Variants in DYNLT2 observed in about 807,000 individuals in gnomAD.
DYNLT2 encodes dynein light chain Tctex-type protein 2.
In DYNLT2, 24 loss-of-function variants were observed where a neutral mutation model predicts 24.3. The observed-to-expected ratio is 0.99, with a 90% CI of 0.71 to 1.39. The LOEUF is 1.39. Among genes scored for constraint, DYNLT2 ranks in the 40% most tolerant of loss-of-function variants. The probability of loss-of-function intolerance (pLI) is 0.00; values close to 1 mark genes in which losing one functional copy is unlikely to be tolerated. For synonymous variants in DYNLT2, 85 were observed against 85.4 expected, an observed-to-expected ratio of 1.00 and a Z score of 0.03; for missense variants, 246 against 234.5, an observed-to-expected ratio of 1.05 and a Z score of -0.32.
chr6:169,748,531 C>G (rs998357471), intron 1 of DYNLT2, among the ~76,000 whole-genome samples: 1 of 152,208 alleles, frequency 6.6e-6, no homozygotes, highest in African/African-American at 2.4e-5. Context: ...GTAGAAGTCC[C>G]TCACATAAAT....
chr6:169,743,106 T>A lies in DYNLT2; in HGVS notation c.460A>T (p.Ile154Phe). The change falls in exon 3 of 4, where the codon ATT becomes TTT. Residue 154 changes from isoleucine to phenylalanine, a missense_variant. Coordinates refer to ENST00000366774, the MANE Select transcript of DYNLT2 (RefSeq NM_174910.3). ...TTTATTGCTTGGCCAGTCTTTTGAA[T>A]AAATAATACTTTTATAATGAACTTA... The part of the protein sequence containing the change: ...RYKFIIKVLF[I>F]QKTGQAINIA... 1 of 1,570,876 alleles carries A rather than the reference T, an allele frequency of 6.4e-7. No homozygotes were observed. Among genetic ancestry groups the A allele is most frequent in the South Asian group, 1.2e-5 (1 of 84,080 alleles).
chr6:169,732,882 C>T, the DYNLT2 span, among the ~76,000 whole-genome samples: 1 of 152,176 alleles, frequency 6.6e-6, no homozygotes, highest in African/African-American at 2.4e-5. Flanking sequence ...AATGGTTGAA[C>T]TAATTTACAT....
At chr6:169,743,841 A>G (rs1789732691) in intron 2 of DYNLT2, among the ~76,000 whole-genome samples, 1 of 152,216 alleles carries the variant, frequency 6.6e-6, no homozygotes, top group Non-Finnish European at 1.5e-5. Context: ...CTTGTGGACT[A>G]TAAAGCATTA....
chr6:169,726,396 AG>A, the DYNLT2 span, among the ~76,000 whole-genome samples: 27 of 152,348 alleles, frequency 1.8e-4, no homozygotes, highest in African/African-American at 6.3e-4. Context: ...CTTTAAAGAC[AG>A]GTAAGAAAGA....
intron 3 of DYNLT2, among the ~76,000 whole-genome samples, chr6:169,741,536 T>C (rs1562995882): frequency 6.6e-6 from 1 of 152,212 alleles, no homozygotes; most frequent in Non-Finnish European, 1.5e-5. Context: ...GCTGTTGTTA[T>C]AAGATACTCA....
At chr6:169,740,088 T>G, downstream of DYNLT2, 2 of 807,418 alleles carry the variant, frequency 2.5e-6, no homozygotes, top group Non-Finnish European at 4.0e-6. Context: ...AGAATAAGAA[T>G]ATAGCAAATC....
chr6:169,746,837 T>A (rs1346787064), intron 1 of DYNLT2, among the ~76,000 whole-genome samples: 6 of 151,942 alleles, frequency 3.9e-5, no homozygotes, highest in Non-Finnish European at 8.8e-5. Flanking sequence ...GCTTCTGGAC[T>A]GTGAACTTCA....
At chr6:169,746,284 GGATTT>G (rs1301144780) in intron 1 of DYNLT2, among the ~76,000 whole-genome samples, 1 of 151,578 alleles carries the variant, frequency 6.6e-6, no homozygotes, top group South Asian at 2.1e-4. Flanking sequence ...TTTTCTTCTT[GGATTT>G]AATTTGTTCT....
chr6:169,729,475 A>G, the DYNLT2 span, among the ~76,000 whole-genome samples: 1 of 152,170 alleles, frequency 6.6e-6, no homozygotes, highest in Non-Finnish European at 1.5e-5. Context: ...TATCACTGGG[A>G]ATCAAGGAAG....
the DYNLT2 span, among the ~76,000 whole-genome samples, chr6:169,729,218 A>G: frequency 6.6e-6 from 1 of 152,242 alleles, no homozygotes; most frequent in Admixed American, 6.5e-5. Context: ...AGTGCAATTT[A>G]AACCAAAAGA....
chr6:169,737,832 C>A (rs1227066074), downstream of DYNLT2, among the ~76,000 whole-genome samples: 1 of 152,086 alleles, frequency 6.6e-6, no homozygotes, highest in African/African-American at 2.4e-5. Context: ...GCAATTTGTC[C>A]CTTAGTAGAG....
At chr6:169,736,659 T>C (rs1789568120), downstream of DYNLT2, among the ~76,000 whole-genome samples, 1 of 152,222 alleles carries the variant, frequency 6.6e-6, no homozygotes, top group African/African-American at 2.4e-5. Context: ...TCTTCTGGCT[T>C]ATAGAGTTTC....
rs540589932 is a variant in DYNLT2 at position 169,749,126 on chromosome 6, G to A, written c.120+2213C>T. On this transcript the variant is annotated intron_variant, in intron 1 of 3. Transcript: ENST00000366774. ...TTTTTTTTTCTTTTCTGAGACAAGA[G>A]TCTCACTCTGTTGCCCAGGCTGGAG... Among the ~76,000 whole-genome samples, 8 of 152,122 alleles carry A rather than the reference G, an allele frequency of 5.3e-5. No individual in the cohort carries two copies. The East Asian group carries it at 1.5e-3, about 29-fold the overall frequency.
chr6:169,725,559 C>T, the DYNLT2 span: 2 of 381,052 alleles, frequency 5.2e-6, no homozygotes, highest in African/African-American at 4.2e-5. Flanking sequence ...CGCCGCACTT[C>T]TTGTCTGAAT....
At chr6:169,726,974 T>C in the DYNLT2 span, among the ~76,000 whole-genome samples, 1 of 152,012 alleles carries the variant, frequency 6.6e-6, no homozygotes, top group Non-Finnish European at 1.5e-5. Flanking sequence ...GTACTCAACT[T>C]GTGGAAGTAA....
chr6:169,751,358 C>T lies in DYNLT2; in HGVS notation c.101G>A (p.Ser34Asn). Residue 34 changes from serine to asparagine, a missense_variant, in exon 1 of 4, where the codon AGC becomes AAC. Transcript: ENST00000366774. Reference sequence around the variant, plus strand: ...ACTCACTGCCTCCTTCTCGAACATGCTAGGCCTCCTTTCTTTCCTAGGCGT... The same window carrying T: ...ACTCACTGCCTCCTTCTCGAACATGTTAGGCCTCCTTTCTTTCCTAGGCGT... ...PVTPRKERRP[S>N]MFEKEAYTQI... is the part of the protein sequence containing the mutation. The T allele has an allele frequency of 6.2e-7, 1 of 1,614,108 alleles. No homozygotes were observed. Among genetic ancestry groups the T allele is most frequent in the Non-Finnish European group, 8.5e-7 (1 of 1,180,012 alleles).
chr6:169,741,921 G>A (rs1451291390), intron 3 of DYNLT2, among the ~76,000 whole-genome samples: 1 of 152,074 alleles, frequency 6.6e-6, no homozygotes, highest in Non-Finnish European at 1.5e-5. Flanking sequence ...TGGGAGCCAG[G>A]ACGGTTCTTT....
At chr6:169,730,510 T>C in the DYNLT2 span, among the ~76,000 whole-genome samples, 4 of 152,178 alleles carry the variant, frequency 2.6e-5, no homozygotes, top group Non-Finnish European at 5.9e-5. Context: ...GCACTCCTCT[T>C]CAGGGAAAAG....
At chr6:169,740,431 T>C in intron 3 of DYNLT2, 136 bp from the exon 4 acceptor site, 3 of 621,208 alleles carry the variant, frequency 4.8e-6, no homozygotes, top group Non-Finnish European at 8.6e-6. Flanking sequence ...TGTCTGGTTT[T>C]CCCTTTCATA....
Sources: allele counts gnomAD v4.1 joint callset (sites outside exome capture counted in the v4.1 genomes callset), GRCh38; gene constraint gnomAD v4.1.1; transcripts MANE v1.5; gene names NCBI Gene and HGNC (gene_info 2026-07-23, HGNC 2026-07-21).